The following NBEA variants were observed in gnomAD, a reference collection of about 807,000 sequenced individuals.
NBEA encodes the protein neurobeachin.
A neutral mutation model predicts 343.4 loss-of-function variants in NBEA; 44 were observed. That is an observed-to-expected ratio of 0.13 (90% CI 0.10 to 0.16). The LOEUF (loss-of-function observed/expected upper bound fraction) is 0.16, where lower values mean the gene tolerates loss of function less well. Ranked by LOEUF, NBEA falls within the 10% of genes least tolerant of loss-of-function variation. The probability of loss-of-function intolerance (pLI) is 1.00; values close to 1 mark genes in which losing one functional copy is unlikely to be tolerated. For missense variants in NBEA, 2,555 were observed against 3,631.3 expected (o/e 0.70, Z 7.62); for synonymous variants, 1,175 against 1,238.7 (o/e 0.95, Z 1.08).
chr13:35,168,052 A>C (rs1172078493), intron 24 of NBEA, among the ~76,000 whole-genome samples: 1 of 151,762 alleles, frequency 6.6e-6, no homozygotes, highest in Non-Finnish European at 1.5e-5. Flanking sequence ...TCTTAATTTT[A>C]GTTTATTTTT....
chr13:35,120,223 T>C (rs2066722228), intron 16 of NBEA, among the ~76,000 whole-genome samples: 1 of 152,170 alleles, frequency 6.6e-6, no homozygotes, highest in Non-Finnish European at 1.5e-5. Context: ...GAGAGTGCTA[T>C]TTGGTAAGAC....
intron 44 of NBEA, among the ~76,000 whole-genome samples, chr13:35,565,952 C>T (rs917260730): frequency 6.6e-6 from 1 of 152,200 alleles, no homozygotes; most frequent in Non-Finnish European, 1.5e-5. Context: ...GTTTCTCATC[C>T]TAGCTTCAGA....
At chr13:35,125,325 C>G (rs571719152) in intron 17 of NBEA, among the ~76,000 whole-genome samples, 1 of 152,050 alleles carries the variant, frequency 6.6e-6, no homozygotes. Context: ...AGAGAGTTCA[C>G]TTATAGCAAA....
intron 36 of NBEA, among the ~76,000 whole-genome samples, chr13:35,309,950 C>G (rs1230322061): frequency 5.9e-5 from 9 of 152,096 alleles, no homozygotes; most frequent in Non-Finnish European, 1.3e-4. Flanking sequence ...TCAGCTTCTC[C>G]TCAGTCCATG....
At position 35,645,900 on chromosome 13, in the gene NBEA, A is replaced by T; in HGVS notation, c.7649A>T (p.His2550Leu). Residue 2550 changes from histidine to leucine, a missense_variant, in exon 50 of 59, where the codon CAC becomes CTC. This residue lies in a region of NBEA where 87 missense variants were observed against 75.0 expected (regional missense o/e 1.16). Coordinates refer to ENST00000379939, the MANE Select transcript of NBEA (RefSeq NM_001385012.1). ...IPEAYFIRDP[H>L]TFLLTKDFIK... ...GAAGCTTATTTCATTAGAGACCCCCACACTTTCCTTCTTACAAAGGACTTT... is the reference window on the plus strand; with the variant it reads ...GAAGCTTATTTCATTAGAGACCCCCTCACTTTCCTTCTTACAAAGGACTTT... The T allele has an allele frequency of 6.3e-7, 1 of 1,578,360 alleles. No individual in the cohort carries two copies. Among genetic ancestry groups the T allele is most frequent in the Non-Finnish European group, 8.6e-7 (1 of 1,158,534 alleles).
At chr13:35,015,983 C>T (rs971100373) in intron 1 of NBEA, among the ~76,000 whole-genome samples, 1 of 151,980 alleles carries the variant, frequency 6.6e-6, no homozygotes, top group Non-Finnish European at 1.5e-5. Context: ...TTTATTCATT[C>T]ATTTGAAAGT....
chr13:35,426,636 T>G (rs1412630801), intron 38 of NBEA, among the ~76,000 whole-genome samples: 1 of 152,176 alleles, frequency 6.6e-6, no homozygotes, highest in Non-Finnish European at 1.5e-5. Flanking sequence ...GGAGTTGCTC[T>G]TCTCGAGGAG....
At chr13:35,133,374 T>G (rs1210890792) in intron 17 of NBEA, among the ~76,000 whole-genome samples, 1 of 152,114 alleles carries the variant, frequency 6.6e-6, no homozygotes, top group African/African-American at 2.4e-5. Flanking sequence ...TGTACATCAG[T>G]GGTAACTCTC....
intron 47 of NBEA, among the ~76,000 whole-genome samples, chr13:35,598,659 G>C (rs2081914387): frequency 6.6e-6 from 1 of 152,182 alleles, no homozygotes; most frequent in African/African-American, 2.4e-5. Flanking sequence ...TTAGGATACT[G>C]TTTATAATGC....
In NBEA at chr13:35,103,191, C is replaced by T. The variant is rs150250308; in HGVS notation, c.1680+4786C>T. 3.3e-5 allele frequency among the ~76,000 whole-genome samples: 5 copies of T among 151,640 alleles called. No homozygotes were observed. In the East Asian group the frequency reaches 9.7e-4, roughly 29 times the overall value. ...ATTATTTTTCAGATTTTAAACCTTC[C>T]TTATATTCCTGGACTCTCGTTTACT... On this transcript the variant is annotated intron_variant, in intron 11 of 58. Coordinates refer to ENST00000379939, the MANE Select transcript of NBEA (RefSeq NM_001385012.1).
intron 1 of NBEA, among the ~76,000 whole-genome samples, chr13:34,953,634 C>A (rs528329157): frequency 1.1e-4 from 17 of 152,316 alleles, no homozygotes; most frequent in African/African-American, 4.1e-4. Context: ...TTACAGTTGG[C>A]CCTCTGTATC....
chr13:35,457,607 A>G (rs1196024132), intron 40 of NBEA, among the ~76,000 whole-genome samples: 2 of 151,858 alleles, frequency 1.3e-5, no homozygotes, highest in East Asian at 1.9e-4. Flanking sequence ...TTTGACATGT[A>G]GTCCCTTTTT....
At chr13:35,663,069 G>A (rs1278341806) in intron 55 of NBEA, among the ~76,000 whole-genome samples, 2 of 152,190 alleles carry the variant, frequency 1.3e-5, no homozygotes, top group African/African-American at 4.8e-5. Context: ...TCAAATTGGG[G>A]TAATTAGGAT....
chr13:34,975,216 A>G (rs963165767), intron 1 of NBEA, among the ~76,000 whole-genome samples: 2 of 152,198 alleles, frequency 1.3e-5, no homozygotes, highest in African/African-American at 4.8e-5. Context: ...TTCAAACTAT[A>G]TTATAAGGCC....
intron 11 of NBEA, among the ~76,000 whole-genome samples, chr13:35,107,813 G>C (rs1304957639): frequency 2.0e-5 from 3 of 152,010 alleles, no homozygotes; most frequent in Non-Finnish European, 4.4e-5. Context: ...GTTACAAACT[G>C]GGGGAGCAAC....
chr13:35,555,173 T>C, intron 44 of NBEA, 71 bp downstream of exon 44: 2 of 782,148 alleles, frequency 2.6e-6, no homozygotes, highest in South Asian at 4.7e-5. Flanking sequence ...TAGCCTGATA[T>C]AATACATTTT....
At chr13:35,609,466 C>T (rs779393370) in intron 48 of NBEA, among the ~76,000 whole-genome samples, 36 of 152,126 alleles carry the variant, frequency 2.4e-4, no homozygotes, top group Admixed American at 1.4e-3. Flanking sequence ...AGGGAAAGGA[C>T]GTATGTTTTT....
chr13:35,363,876 T>C (rs1017543553), intron 38 of NBEA, among the ~76,000 whole-genome samples: 1 of 151,920 alleles, frequency 6.6e-6, no homozygotes, highest in Non-Finnish European at 1.5e-5. Context: ...GGAATCATTG[T>C]GACTTACTGA....
At chr13:35,391,183 G>T (rs1042769028) in intron 38 of NBEA, among the ~76,000 whole-genome samples, 7 of 151,980 alleles carry the variant, frequency 4.6e-5, no homozygotes, top group African/African-American at 1.7e-4. Flanking sequence ...GCTGAGGCAG[G>T]AGAATCACTT....
Sources: allele counts gnomAD v4.1 joint callset (sites outside exome capture counted in the v4.1 genomes callset), GRCh38; gene constraint gnomAD v4.1.1; regional missense constraint gnomAD v4.1.1; transcripts MANE v1.5; gene names NCBI Gene and HGNC (gene_info 2026-07-23, HGNC 2026-07-21).